EYS: variants seen among roughly 807,000 people sequenced by gnomAD.
EYS encodes the protein EGF-like photoreceptor maintenance factor.
Under a neutral mutation model 282.1 loss-of-function variants are expected in EYS, and 250 were observed. The observed-to-expected ratio is 0.89, with a 90% CI of 0.80 to 0.98. The LOEUF is 0.98. EYS is among the 50% of genes least tolerant of loss of function. The pLI is 0.00. For missense variants in EYS, 4,016 were observed against 3,709.0 expected (o/e 1.08, Z -2.15); for synonymous variants, 1,355 against 1,282.9 (o/e 1.06, Z -1.20).
intron 19 of EYS, among the ~76,000 whole-genome samples, chr6:64,839,217 C>T (rs1035312083): frequency 1.3e-5 from 2 of 151,896 alleles, no homozygotes; most frequent in Non-Finnish European, 2.9e-5. Flanking sequence ...CAATGAAAAT[C>T]GATCACTTCA....
intron 30 of EYS, among the ~76,000 whole-genome samples, chr6:64,296,975 G>A (rs555960383): frequency 1.3e-5 from 2 of 152,254 alleles, no homozygotes; most frequent in Admixed American, 6.5e-5. Context: ...CCAGGTGAAG[G>A]CTTCTAAATT....
chr6:64,905,758 A>G (rs1244739821), intron 16 of EYS, among the ~76,000 whole-genome samples: 1 of 152,142 alleles, frequency 6.6e-6, no homozygotes, highest in Non-Finnish European at 1.5e-5. Flanking sequence ...TACAATAATG[A>G]AATTTTCATA....
chr6:64,527,959 G>A (rs1283121179), intron 26 of EYS, among the ~76,000 whole-genome samples: 3 of 151,530 alleles, frequency 2.0e-5, no homozygotes, highest in Non-Finnish European at 3.0e-5. Flanking sequence ...ATTTCATTTG[G>A]AGCATCATTA....
chr6:65,429,382 A>G (rs1767791129), intron 5 of EYS, among the ~76,000 whole-genome samples: 1 of 152,200 alleles, frequency 6.6e-6, no homozygotes, highest in South Asian at 2.1e-4. Flanking sequence ...AATTGAAACC[A>G]AAACAAAACA....
rs1334713199 is a variant in EYS at position 63,721,450 on chromosome 6, T to A, written c.8581A>T (p.Thr2861Ser). The change falls in exon 43 of 43, where the codon ACT (threonine) becomes TCT (serine). Residue 2861 changes from threonine (T) to serine (S), a missense_variant. Transcript: ENST00000503581. ...VIINNQELQL[T>S]EFGAKGGSNV... ...GAGCCACCTTTTGCTCCAAATTCAG[T>A]TAATTGTAATTCTTGATTATTTATG... The A allele has an allele frequency of 6.4e-7, 1 of 1,551,562 alleles. No individual in the cohort carries two copies.
chr6:64,069,681 A>G (rs535981211), intron 32 of EYS, among the ~76,000 whole-genome samples: 2 of 152,154 alleles, frequency 1.3e-5, no homozygotes, highest in East Asian at 3.9e-4. Context: ...ATCACACTAT[A>G]AAGTATTTAA....
Position 64,545,629 on chromosome 6 carries a change from CT to C in EYS, c.5644+44593del, listed in dbSNP as rs1208889081. Among the ~76,000 whole-genome samples, 3 of 152,290 alleles carry C rather than the reference CT, an allele frequency of 2.0e-5. No homozygotes were observed. In the South Asian group the frequency reaches 6.2e-4, roughly 32 times the overall value. On this transcript the variant is annotated intron_variant, in intron 26 of 42. Transcript: ENST00000503581. Reference sequence around the variant, plus strand: ...CTGTATATCTAGAAAACCCCATCGTCTCAGCCCAAAATCTCCTCAAGCTGAT... The same window carrying C: ...CTGTATATCTAGAAAACCCCATCGTCCAGCCCAAAATCTCCTCAAGCTGAT...
At chr6:64,258,292 TAAAC>T (rs1439188366) in intron 30 of EYS, among the ~76,000 whole-genome samples, 1 of 151,966 alleles carries the variant, frequency 6.6e-6, no homozygotes, top group Non-Finnish European at 1.5e-5. Context: ...CCAATGCAAA[TAAAC>T]CTCCTGCAGT....
intron 2 of EYS, among the ~76,000 whole-genome samples, chr6:65,503,792 A>C (rs748725409): frequency 1.6e-4 from 24 of 151,818 alleles, no homozygotes; most frequent in African/African-American, 5.8e-4. Flanking sequence ...TGTTTGGACT[A>C]TCTATTCTGT....
At position 63,720,916 on chromosome 6, in the gene EYS, A is replaced by G. The variant is rs1392832730; in HGVS notation, c.9115T>C (p.Phe3039Leu). The G allele has an allele frequency of 7.1e-6, 11 of 1,550,922 alleles. No individual in the cohort carries two copies. The highest frequency in any genetic ancestry group is 2.0e-5 in the Admixed American group (1 of 50,946). ...SVPMSYNNGT[F>L]CCNKWHHVVV... ...ACATGGTGCCATTTATTACAACAGAATGTGCCATTGTTATAGCTCATAGGC... is the reference window on the plus strand; with the variant it reads ...ACATGGTGCCATTTATTACAACAGAGTGTGCCATTGTTATAGCTCATAGGC... The change falls in exon 43 of 43, where the codon TTC (phenylalanine) becomes CTC (leucine). Residue 3039 changes from phenylalanine (F) to leucine (L), a missense_variant. By Grantham distance (22) the Phe-to-Leu change is conservative (BLOSUM62 0). Transcript: ENST00000503581.
At chr6:65,619,864 T>C (rs1161822889) in intron 2 of EYS, among the ~76,000 whole-genome samples, 1 of 150,758 alleles carries the variant, frequency 6.6e-6, no homozygotes, top group African/African-American at 2.4e-5. Flanking sequence ...ATTTATTGAT[T>C]TGCGTATGTT....
chr6:64,374,668 C>T (rs953163858), intron 29 of EYS, among the ~76,000 whole-genome samples: 1 of 152,204 alleles, frequency 6.6e-6, no homozygotes, highest in African/African-American at 2.4e-5. Context: ...CCACTGCTCA[C>T]TGGCCCTTTT....
intron 12 of EYS, among the ~76,000 whole-genome samples, chr6:65,272,653 T>C (rs1767936320): frequency 6.6e-6 from 1 of 152,210 alleles, no homozygotes; most frequent in African/African-American, 2.4e-5. Flanking sequence ...TATTAGGATA[T>C]ACATTAATCC....
intron 2 of EYS, among the ~76,000 whole-genome samples, chr6:65,527,444 A>C (rs1408566311): frequency 6.6e-6 from 1 of 152,200 alleles, no homozygotes; most frequent in East Asian, 1.9e-4. Flanking sequence ...ATCCTTTCAG[A>C]GGATAGATCT....
intron 33 of EYS, among the ~76,000 whole-genome samples, chr6:64,035,435 C>A (rs1305256300): frequency 6.6e-6 from 1 of 152,148 alleles, no homozygotes; most frequent in African/African-American, 2.4e-5. Flanking sequence ...TAGGGCAGGG[C>A]TAGATATGGA....
Position 65,495,439 on chromosome 6 carries a change from C to T in EYS, c.-29G>A. On this transcript the variant is annotated 5_prime_UTR_variant, in exon 4 of 43. An upstream start codon of the reference 5' UTR is lost. Coordinates refer to ENST00000503581, the MANE Select transcript of EYS (RefSeq NM_001142800.2). ...CGGGTAGCTGTATTTTACAGTTTATCATAAAGAATTGCTGCAAAATGGTGT... is the reference window on the plus strand; with the variant it reads ...CGGGTAGCTGTATTTTACAGTTTATTATAAAGAATTGCTGCAAAATGGTGT... The T allele has an allele frequency of 6.2e-7, 1 of 1,602,590 alleles. No individual in the cohort carries two copies. Among genetic ancestry groups the T allele is most frequent in the Non-Finnish European group, 8.5e-7 (1 of 1,179,058 alleles).
chr6:64,372,784 A>G (rs956863479), intron 29 of EYS, among the ~76,000 whole-genome samples: 12 of 152,234 alleles, frequency 7.9e-5, no homozygotes, highest in African/African-American at 2.2e-4. Flanking sequence ...TTTATTTTGG[A>G]GAGCCAGTAT....
At chr6:63,742,386 G>A (rs1309026431) in intron 41 of EYS, among the ~76,000 whole-genome samples, 1 of 152,130 alleles carries the variant, frequency 6.6e-6, no homozygotes, top group African/African-American at 2.4e-5. Context: ...TAAGTCTTCT[G>A]TCACTCCAGG....
chr6:64,484,404 C>T (rs1776523856), intron 26 of EYS, among the ~76,000 whole-genome samples: 1 of 151,436 alleles, frequency 6.6e-6, no homozygotes, highest in South Asian at 2.1e-4. Context: ...AAAAATGCTG[C>T]TCATGCATGT....
Sources: gnomAD v4.1 joint callset for allele counts (sites outside exome capture counted in the v4.1 genomes callset) on GRCh38, gnomAD v4.1.1 for gene constraint, MANE v1.5 for transcripts, NCBI Gene and HGNC (gene_info 2026-07-23, HGNC 2026-07-21) for gene names.